The following ASIC2 variants were observed in gnomAD, a reference collection of about 807,000 sequenced individuals.
The protein encoded by ASIC2 is acid-sensing ion channel 2.
A neutral mutation model predicts 57.3 loss-of-function variants in ASIC2; 25 were observed. The ratio of observed to expected loss-of-function variants is 0.44; its 90% CI spans 0.32 to 0.61. The LOEUF (loss-of-function observed/expected upper bound fraction) is 0.61. ASIC2 is among the 20% of genes least tolerant of loss of function. The pLI, the probability that ASIC2 is intolerant of heterozygous loss-of-function variation, is 0.06. For missense variants in ASIC2, 641 were observed against 738.1 expected (o/e 0.87, Z 1.52); for synonymous variants, 319 against 307.5 (o/e 1.04, Z -0.39).
rs145861203 is a variant in ASIC2, at chr17:33,415,261, G to A, written c.556-303194C>T. ...CACCTCAGGGACATCAAAATCTGTC[G>A]ATGCTCGAATCTAATATGGAATAAC... On this transcript the variant is annotated intron_variant, in intron 1 of 9. Transcript: ENST00000359872. 2.6e-5 allele frequency among the ~76,000 whole-genome samples: 4 copies of A among 152,258 alleles called. No homozygotes were observed. In the East Asian group the frequency reaches 5.8e-4, roughly 22 times the overall value.
intron 1 of ASIC2, among the ~76,000 whole-genome samples, chr17:33,695,001 G>A (rs777061221): frequency 7.9e-5 from 12 of 152,086 alleles, no homozygotes; most frequent in African/African-American, 1.2e-4. Flanking sequence ...CTTAACAGAA[G>A]GAATATGGTT....
intron 1 of ASIC2, among the ~76,000 whole-genome samples, chr17:33,163,612 G>A (rs558375171): frequency 1.5e-4 from 23 of 152,116 alleles, no homozygotes; most frequent in Admixed American, 4.6e-4. Context: ...ACAAGTGTTC[G>A]TTGTACATTT....
chr17:33,729,419 G>A (rs1242160984), intron 1 of ASIC2, among the ~76,000 whole-genome samples: 1 of 152,126 alleles, frequency 6.6e-6, no homozygotes, highest in Non-Finnish European at 1.5e-5. Context: ...CTCCAACACT[G>A]GGGATTACAT....
At chr17:33,073,985 A>G (rs1289543837) in intron 3 of ASIC2, among the ~76,000 whole-genome samples, 1 of 152,144 alleles carries the variant, frequency 6.6e-6, no homozygotes, top group East Asian at 1.9e-4. Flanking sequence ...ATAGCTCCTT[A>G]GCTCTCAGTC....
chr17:33,368,012 A>G (rs1908887844), intron 1 of ASIC2, among the ~76,000 whole-genome samples: 1 of 152,196 alleles, frequency 6.6e-6, no homozygotes, highest in Admixed American at 6.5e-5. Context: ...ACAAGATGGT[A>G]GACTATATTT....
At chr17:33,515,792 G>A (rs748532119) in intron 1 of ASIC2, among the ~76,000 whole-genome samples, 6 of 152,148 alleles carry the variant, frequency 3.9e-5, no homozygotes, top group Admixed American at 1.3e-4. Context: ...CCTGACCTCC[G>A]TCCTGTTCTG....
At chr17:34,025,996 TG>T (rs1907364352) in intron 1 of ASIC2, among the ~76,000 whole-genome samples, 1 of 152,184 alleles carries the variant, frequency 6.6e-6, no homozygotes, top group South Asian at 2.1e-4. Flanking sequence ...ATCTGTGAAA[TG>T]GGTATGGTGG....
chr17:33,338,804 C>T (rs1314356088), intron 1 of ASIC2, among the ~76,000 whole-genome samples: 1 of 152,100 alleles, frequency 6.6e-6, no homozygotes, highest in South Asian at 2.1e-4. Context: ...CTTAAGAACA[C>T]TATGATAAGT....
chr17:33,618,527 T>A (rs937311451), intron 1 of ASIC2, among the ~76,000 whole-genome samples: 14 of 152,150 alleles, frequency 9.2e-5, no homozygotes, highest in African/African-American at 3.1e-4. Flanking sequence ...TAATTTAAGA[T>A]CTGTTTTGTT....
At chr17:33,026,746 G>A (rs1329726826) in intron 4 of ASIC2, among the ~76,000 whole-genome samples, 1 of 152,132 alleles carries the variant, frequency 6.6e-6, no homozygotes, top group Non-Finnish European at 1.5e-5. Flanking sequence ...GATTCTCCTT[G>A]CTGGGATCTC....
At chr17:33,994,081 T>C (rs4538059) in intron 1 of ASIC2, among the ~76,000 whole-genome samples, 46,503 of 151,992 alleles carry the variant, frequency 0.31, 9,359 homozygotes, top group East Asian at 0.59. Flanking sequence ...ATCACCTTAG[T>C]TCTCCCCTGC....
chr17:33,086,798 G>A (rs1042485119), intron 3 of ASIC2, among the ~76,000 whole-genome samples: 4 of 152,152 alleles, frequency 2.6e-5, no homozygotes, highest in Non-Finnish European at 4.4e-5. Flanking sequence ...CGTCTCTGTG[G>A]GAGGGTAGGA....
intron 1 of ASIC2, among the ~76,000 whole-genome samples, chr17:33,380,245 C>CAAAAAAAAAAAAAAAAAAA (rs10586872): frequency 1.4e-5 from 1 of 71,064 alleles, no homozygotes; most frequent in African/African-American, 5.1e-5. Context: ...AACCCTGTCT[C>CAAAAAAAAAAAAAAAAAAA]AAAAAAAAAA....
chr17:33,144,777 A>C (rs191006361), intron 1 of ASIC2, among the ~76,000 whole-genome samples: 1 of 152,278 alleles, frequency 6.6e-6, no homozygotes, highest in Admixed American at 6.5e-5. Flanking sequence ...TGGGACACCC[A>C]CTATATGGGT....
At chr17:34,023,665 G>C (rs1431996352) in intron 1 of ASIC2, among the ~76,000 whole-genome samples, 1 of 152,166 alleles carries the variant, frequency 6.6e-6, no homozygotes, top group Non-Finnish European at 1.5e-5. Context: ...CGGAGGTGCA[G>C]CATCAAGGTG....
At chr17:34,130,149 T>C (rs542209347) in intron 1 of ASIC2, among the ~76,000 whole-genome samples, 1 of 152,230 alleles carries the variant, frequency 6.6e-6, no homozygotes, top group Non-Finnish European at 1.5e-5. Flanking sequence ...ATTAGAGACA[T>C]GAAGAAAGAC....
chr17:33,590,180 C>T (rs529497134), intron 1 of ASIC2, among the ~76,000 whole-genome samples: 1 of 152,304 alleles, frequency 6.6e-6, no homozygotes, highest in African/African-American at 2.4e-5. Context: ...CTATATCCTT[C>T]CCTACTTCCA....
intron 1 of ASIC2, among the ~76,000 whole-genome samples, chr17:33,919,153 C>A (rs1433903131): frequency 6.6e-6 from 1 of 152,104 alleles, no homozygotes; most frequent in African/African-American, 2.4e-5. Flanking sequence ...TTCAGACCTT[C>A]TGCCAGGACC....
chr17:33,529,847 C>A (rs1914995343), intron 1 of ASIC2: 1 of 152,114 alleles, frequency 6.6e-6, no homozygotes, highest in African/African-American at 2.4e-5. Flanking sequence ...TAAATGTGGG[C>A]TATTCTTATT....
Sources: allele counts gnomAD v4.1 joint callset (sites outside exome capture counted in the v4.1 genomes callset), GRCh38; gene constraint gnomAD v4.1.1; transcripts MANE v1.5; gene names NCBI Gene and HGNC (gene_info 2026-07-23, HGNC 2026-07-21).